PCSK6: variants seen among roughly 807,000 people sequenced by gnomAD.
The protein encoded by PCSK6 is paired basic amino acid cleaving enzyme 4.
Under a neutral mutation model 123.3 loss-of-function variants are expected in PCSK6, and 85 were observed. The observed-to-expected ratio is 0.69, with a 90% CI of 0.58 to 0.83. PCSK6 has a LOEUF of 0.83. Among genes scored for constraint, PCSK6 ranks in the 40% least tolerant of loss-of-function variants. The pLI is 0.00. For synonymous variants in PCSK6, 508 were observed against 516.0 expected, an observed-to-expected ratio of 0.98 and a Z score of 0.21; for missense variants, 1,191 against 1,282.3, an observed-to-expected ratio of 0.93 and a Z score of 1.09.
intron 13 of PCSK6, among the ~76,000 whole-genome samples, chr15:101,351,943 T>C (rs2040900992): frequency 6.6e-6 from 1 of 152,022 alleles, no homozygotes; most frequent in Non-Finnish European, 1.5e-5. Flanking sequence ...CGGCCTCTCA[T>C]TTACATAATT....
At chr15:101,318,652 G>A (rs1009288460) in intron 18 of PCSK6, among the ~76,000 whole-genome samples, 2 of 152,220 alleles carry the variant, frequency 1.3e-5, no homozygotes, top group Non-Finnish European at 2.9e-5. Flanking sequence ...CAGGCAGCAG[G>A]CGCCAGGCTC....
intron 13 of PCSK6, among the ~76,000 whole-genome samples, chr15:101,339,909 CAATATATA>C (rs1207725404): frequency 6.6e-5 from 7 of 105,946 alleles, no homozygotes; most frequent in African/African-American, 3.2e-4. Flanking sequence ...GACCCTTTCT[CAATATATA>C]TATATATATA....
chr15:101,360,673 C>T (rs1056037576), intron 13 of PCSK6, among the ~76,000 whole-genome samples: 1 of 134,596 alleles, frequency 7.4e-6, no homozygotes, highest in East Asian at 2.2e-4. Context: ...CACTCCTGCC[C>T]GGGGGCCTTA....
chr15:101,396,152 G>GA (rs1301772428), intron 7 of PCSK6, among the ~76,000 whole-genome samples: 3 of 151,920 alleles, frequency 2.0e-5, no homozygotes, highest in East Asian at 3.9e-4. Context: ...TCCAAATGAC[G>GA]AAAAAAAATC....
In PCSK6 at chr15:101,398,906, T is replaced by A. The variant is rs200524937; in HGVS notation, c.824-330A>T. 1.1e-3 allele frequency among the ~76,000 whole-genome samples: 107 copies of A among 98,122 alleles called. 1 individual carries two copies. The highest frequency in any genetic ancestry group is 3.2e-3 in the African/African-American group (91 of 28,464). The allele number at this position is 98,122 out of a possible 152,430, so 64.4% of individuals were successfully genotyped here. On this transcript the variant is annotated intron_variant, in intron 6 of 21. Transcript: ENST00000611716. This position sits in a 1 kb window ranked among gnomAD's most constrained non-coding sequence, Gnocchi z 4.6. Reference sequence around the variant, plus strand: ...ACCTATTATTATTATTATTATTATTTATTATTATTATTTTGAGACAGAGTC... The same window carrying A: ...ACCTATTATTATTATTATTATTATTAATTATTATTATTTTGAGACAGAGTC...
At chr15:101,386,760 CGCCG>C in intron 9 of PCSK6, among the ~76,000 whole-genome samples, 1 of 152,338 alleles carries the variant, frequency 6.6e-6, no homozygotes. Context: ...GGGTTGCTCC[CGCCG>C]TTCAGCTGTT....
In PCSK6 at chr15:101,398,634, G is replaced by A; in HGVS notation, c.824-58C>T. 6.4e-7 allele frequency: 1 copy of A among 1,562,910 alleles called. No individual in the cohort carries two copies. Among genetic ancestry groups the A allele is most frequent in the African/African-American group, 1.3e-5 (1 of 74,184 alleles). On this transcript the variant is annotated intron_variant, in intron 6 of 21. Transcript: ENST00000611716. The surrounding 1 kb of genome is among the most constrained non-coding windows in gnomAD (Gnocchi z 4.6). ...CCAGGCTCCGGGCACACAGCGACGG[G>A]AACCCGGGCCCAGGAGGCTCGGATG...
At position 101,425,658 on chromosome 15, in the gene PCSK6, G is replaced by A. The variant is rs144930239; in HGVS notation, c.823+2234C>T. On this transcript the variant is annotated intron_variant, in intron 6 of 21. Coordinates refer to ENST00000611716, the MANE Select transcript of PCSK6 (RefSeq NM_002570.5). ...CATATATATATATATTGCTTCATAC[G>A]TTATAAACCCACAGTGCATTGCTAT... 2.5e-3 allele frequency among the ~76,000 whole-genome samples: 377 copies of A among 151,838 alleles called. 4 individuals carry two copies. Among genetic ancestry groups the A allele is most frequent in the African/African-American group, 8.0e-3 (332 of 41,360 alleles).
At chr15:101,389,620 G>T in intron 8 of PCSK6, 56 bp from the exon 9 acceptor site, 1 of 1,401,886 alleles carries the variant, frequency 7.1e-7, no homozygotes, top group Non-Finnish European at 9.9e-7. Flanking sequence ...AACTCACTCT[G>T]TGGAGAAGGC....
At chr15:101,425,158 G>A (rs558124711) in intron 6 of PCSK6, among the ~76,000 whole-genome samples, 15 of 152,320 alleles carry the variant, frequency 9.8e-5, no homozygotes, top group African/African-American at 3.4e-4. Context: ...TTACGTCTGC[G>A]GCGTGGGGCT....
At chr15:101,371,339 A>G (rs948475779) in intron 11 of PCSK6, among the ~76,000 whole-genome samples, 1 of 152,206 alleles carries the variant, frequency 6.6e-6, no homozygotes, top group Non-Finnish European at 1.5e-5. Context: ...CAGTTGCCCT[A>G]GTATGACCTC....
intron 13 of PCSK6, among the ~76,000 whole-genome samples, chr15:101,348,401 C>T (rs2040799599): frequency 6.6e-6 from 1 of 152,224 alleles, no homozygotes; most frequent in African/African-American, 2.4e-5. Flanking sequence ...AAAATACATG[C>T]TTCGAGGTAT....
At position 101,326,431 on chromosome 15, in the gene PCSK6, G is replaced by A; in HGVS notation, c.2126C>T (p.Ala709Val). The A allele has an allele frequency of 6.3e-7, 1 of 1,586,800 alleles. No homozygotes were observed. The highest frequency in any genetic ancestry group is 2.3e-5 in the East Asian group (1 of 43,482). The change falls in exon 16 of 22, where the codon GCA becomes GTA. Residue 709 changes from alanine to valine, a missense_variant. Around this residue, in one of 3 missense-constraint regions of PCSK6, gnomAD observed 630 missense variants for 631.4 expected, o/e 1.00. Coordinates refer to ENST00000611716, the MANE Select transcript of PCSK6 (RefSeq NM_002570.5). ...CGDKGCDGPN[A>V]DQCLNCVHFS... is the part of the protein sequence containing the mutation. The stretch of plus-strand genomic sequence containing the variant: ...GTGGACGCAGTTCAAGCACTGGTCT[G>A]CATTGGGGCCATCACAGCCTTTGTC...
intron 13 of PCSK6, among the ~76,000 whole-genome samples, chr15:101,349,391 A>G (rs2040833986): frequency 6.6e-6 from 1 of 152,196 alleles, no homozygotes; most frequent in African/African-American, 2.4e-5. Context: ...CCAACCCAAT[A>G]GCAGCCCAGC....
At chr15:101,440,095 C>A (rs905543803) in intron 2 of PCSK6, among the ~76,000 whole-genome samples, 4 of 152,202 alleles carry the variant, frequency 2.6e-5, no homozygotes, top group African/African-American at 7.2e-5. Flanking sequence ...TTGGTCGACG[C>A]TTCTGTAATA....
intron 6 of PCSK6, among the ~76,000 whole-genome samples, chr15:101,400,689 G>A (rs1233626101): frequency 6.6e-6 from 1 of 152,178 alleles, no homozygotes; most frequent in Admixed American, 6.5e-5. Context: ...TCTTTTGATG[G>A]AAACTGCTGG....
chr15:101,455,388 A>G (rs2057153319), intron 1 of PCSK6, among the ~76,000 whole-genome samples: 1 of 152,200 alleles, frequency 6.6e-6, no homozygotes, highest in Non-Finnish European at 1.5e-5. Flanking sequence ...GCCCCTCTCT[A>G]TTGTGTGGTT....
At chr15:101,425,429 C>T (rs2056223520) in intron 6 of PCSK6, among the ~76,000 whole-genome samples, 1 of 152,212 alleles carries the variant, frequency 6.6e-6, no homozygotes, top group African/African-American at 2.4e-5. Context: ...GGGAATTTCC[C>T]TGGGATGTCC....
Position 101,370,222 on chromosome 15 carries a change from C to T in PCSK6, c.1721+113G>A, listed in dbSNP as rs766207891. On this transcript the variant is annotated intron_variant, in intron 12 of 21. Coordinates refer to ENST00000611716, the MANE Select transcript of PCSK6 (RefSeq NM_002570.5). ...CTGCCAGCAGAACCAGTGGGAGTCC[C>T]CAACGCCAGAGGGCCTTGCAGAGAC... is the stretch of plus-strand genomic sequence containing the variant. The T allele has an allele frequency of 7.2e-4, 624 of 871,250 alleles. 1 individual carries two copies. The highest frequency in any genetic ancestry group is 8.0e-4 in the Non-Finnish European group (501 of 629,142). 54.0% of individuals were successfully genotyped at this position (871,250 alleles called of 1,614,324 possible).
Sources: allele counts gnomAD v4.1 joint callset (sites outside exome capture counted in the v4.1 genomes callset), GRCh38; gene constraint gnomAD v4.1.1; regional missense constraint gnomAD v4.1.1; non-coding constraint Gnocchi (gnomAD v3.1); transcripts MANE v1.5; gene names NCBI Gene and HGNC (gene_info 2026-07-23, HGNC 2026-07-21).